The following NCOA2 variants were observed in gnomAD, a reference collection of about 807,000 sequenced individuals.
NCOA2 encodes nuclear receptor coactivator 2.
A neutral mutation model predicts 145.1 loss-of-function variants in NCOA2; 21 were observed. The ratio of observed to expected loss-of-function variants is 0.14; its 90% CI spans 0.10 to 0.21. The LOEUF is 0.21. NCOA2 is among the 10% of genes least tolerant of loss of function. The pLI is 1.00. For missense variants in NCOA2, 1,472 were observed against 1,837.6 expected (o/e 0.80, Z 3.64); for synonymous variants, 619 against 637.5 (o/e 0.97, Z 0.44).
At chr8:70,332,778 T>C (rs1368080489) in intron 1 of NCOA2, among the ~76,000 whole-genome samples, 1 of 152,176 alleles carries the variant, frequency 6.6e-6, no homozygotes, top group Non-Finnish European at 1.5e-5. Context: ...AAGATCAAAC[T>C]CCAGGAGTCC....
At chr8:70,193,293 A>C (rs979163837) in intron 4 of NCOA2, among the ~76,000 whole-genome samples, 1 of 152,116 alleles carries the variant, frequency 6.6e-6, no homozygotes, top group African/African-American at 2.4e-5. Flanking sequence ...CTAATCACCA[A>C]AATTTGCATT....
intron 2 of NCOA2, among the ~76,000 whole-genome samples, chr8:70,257,330 T>A (rs1279262908): frequency 6.6e-6 from 1 of 152,244 alleles, no homozygotes; most frequent in Non-Finnish European, 1.5e-5. Context: ...ATAATTGCCA[T>A]ACATTTATTC....
chr8:70,412,325 T>C, the NCOA2 span, among the ~76,000 whole-genome samples: 1 of 151,384 alleles, frequency 6.6e-6, no homozygotes, highest in African/African-American at 2.4e-5. Context: ...CAAAAATAAG[T>C]TGATATAGTT....
the NCOA2 span, among the ~76,000 whole-genome samples, chr8:70,449,921 C>T: frequency 1.3e-5 from 2 of 152,346 alleles, no homozygotes; most frequent in East Asian, 3.9e-4. Context: ...GTATGAAATG[C>T]AACGAAGTAG....
chr8:70,159,218 A>C (rs1300237978), intron 10 of NCOA2, among the ~76,000 whole-genome samples: 1 of 113,006 alleles, frequency 8.8e-6, no homozygotes, highest in African/African-American at 3.8e-5. Flanking sequence ...AATACAGTAT[A>C]ACATTATATA....
the NCOA2 span, among the ~76,000 whole-genome samples, chr8:70,441,933 G>C: frequency 8.2e-6 from 1 of 122,646 alleles, no homozygotes; most frequent in African/African-American, 3.1e-5. Flanking sequence ...GGTGGGAGAA[G>C]AAGAAGAAGA....
chr8:70,403,389 C>G (rs1436796433), intron 1 of NCOA2, among the ~76,000 whole-genome samples: 1 of 151,432 alleles, frequency 6.6e-6, no homozygotes, highest in Admixed American at 6.6e-5. Context: ...CGGGACTCGT[C>G]TCCTGAGCTC....
chr8:70,434,742 A>T, the NCOA2 span, among the ~76,000 whole-genome samples: 3 of 152,100 alleles, frequency 2.0e-5, no homozygotes, highest in Admixed American at 6.5e-5. Context: ...TAATTTTTTT[A>T]AAATTTTCAT....
At chr8:70,218,966 AACAG>A (rs1000215258) in intron 2 of NCOA2, among the ~76,000 whole-genome samples, 90 of 152,330 alleles carry the variant, frequency 5.9e-4, no homozygotes, top group African/African-American at 2.0e-3. Flanking sequence ...GAAAGCTTTC[AACAG>A]ACAATTAAAG....
At chr8:70,202,771 T>C (rs1280360219) in intron 4 of NCOA2, among the ~76,000 whole-genome samples, 1 of 152,198 alleles carries the variant, frequency 6.6e-6, no homozygotes, top group African/African-American at 2.4e-5. Context: ...ACAATGTGCA[T>C]ATAGTTAACA....
chr8:70,366,743 A>G (rs34783990), intron 1 of NCOA2, among the ~76,000 whole-genome samples: 1 of 91,336 alleles, frequency 1.1e-5, no homozygotes, highest in Non-Finnish European at 2.0e-5. Context: ...CATTGGCTTT[A>G]AAAAAAAAAA....
intron 1 of NCOA2, among the ~76,000 whole-genome samples, chr8:70,398,925 G>C (rs553188196): frequency 5.9e-4 from 90 of 152,170 alleles, no homozygotes; most frequent in Non-Finnish European, 9.6e-4. Flanking sequence ...AACAGTATTA[G>C]GATCTACCTA....
chr8:70,131,367 G>C (rs1271750728), intron 16 of NCOA2, among the ~76,000 whole-genome samples: 1 of 152,196 alleles, frequency 6.6e-6, no homozygotes, highest in African/African-American at 2.4e-5. Flanking sequence ...CCTGTAAAAT[G>C]ACTTCTGCTA....
chr8:70,447,317 G>T, the NCOA2 span, among the ~76,000 whole-genome samples: 1 of 152,154 alleles, frequency 6.6e-6, no homozygotes, highest in Non-Finnish European at 1.5e-5. Flanking sequence ...GGGCGAAAAA[G>T]CACATAGGAG....
chr8:70,370,522 C>A (rs1324946642), intron 1 of NCOA2, among the ~76,000 whole-genome samples: 1 of 152,128 alleles, frequency 6.6e-6, no homozygotes, highest in African/African-American at 2.4e-5. Context: ...CCACGTTCTT[C>A]CTAATGCCAT....
chr8:70,285,689 G>A (rs1826185402), intron 2 of NCOA2, among the ~76,000 whole-genome samples: 1 of 152,170 alleles, frequency 6.6e-6, no homozygotes, highest in South Asian at 2.1e-4. Context: ...ATGTGGGTAG[G>A]ACTATATATA....
At chr8:70,231,994 C>T (rs1378319504) in intron 2 of NCOA2, among the ~76,000 whole-genome samples, 2 of 152,148 alleles carry the variant, frequency 1.3e-5, no homozygotes, top group African/African-American at 2.4e-5. Context: ...ATGAGTATCC[C>T]GCAGGTCCTT....
chr8:70,293,357 C>T (rs140769622), intron 2 of NCOA2, among the ~76,000 whole-genome samples: 1 of 152,170 alleles, frequency 6.6e-6, no homozygotes, highest in African/African-American at 2.4e-5. Flanking sequence ...AACAAATATT[C>T]ATTTGAAATG....
At chr8:70,224,850 C>A (rs1433079684) in intron 2 of NCOA2, among the ~76,000 whole-genome samples, 1 of 151,892 alleles carries the variant, frequency 6.6e-6, no homozygotes, top group Non-Finnish European at 1.5e-5. Context: ...GTCCAGGAAA[C>A]AAGAATCTGG....
Sources: gnomAD v4.1 joint callset for allele counts (sites outside exome capture counted in the v4.1 genomes callset) on GRCh38, gnomAD v4.1.1 for gene constraint, MANE v1.5 for transcripts, NCBI Gene and HGNC (gene_info 2026-07-23, HGNC 2026-07-21) for gene names.